The following CTNND2 variants were observed in gnomAD, a reference collection of about 807,000 sequenced individuals.
CTNND2 encodes the protein catenin delta-2.
A neutral mutation model predicts 144.4 loss-of-function variants in CTNND2; 22 were observed. That is an observed-to-expected ratio of 0.15 (90% CI 0.11 to 0.22). The LOEUF (loss-of-function observed/expected upper bound fraction) is 0.22. Among genes scored for constraint, CTNND2 ranks in the 10% least tolerant of loss-of-function variants. The pLI is 1.00. For synonymous variants in CTNND2, 751 were observed against 695.6 expected (o/e 1.08, Z -1.25); for missense variants, 1,353 against 1,618.8 (o/e 0.84, Z 2.82).
intron 16 of CTNND2, among the ~76,000 whole-genome samples, chr5:11,067,246 G>A (rs932891341): frequency 1.3e-5 from 2 of 152,188 alleles, no homozygotes; most frequent in Non-Finnish European, 2.9e-5. Context: ...GAAGTGATAC[G>A]TAGCTTTAAT....
intron 1 of CTNND2, among the ~76,000 whole-genome samples, chr5:11,821,760 CTTTGT>C (rs969007668): frequency 3.4e-4 from 51 of 152,208 alleles, no homozygotes; most frequent in African/African-American, 9.4e-4. Flanking sequence ...TTTAAATTCG[CTTTGT>C]TTTATCAATT....
At chr5:11,675,851 T>C (rs1784146939) in intron 2 of CTNND2, among the ~76,000 whole-genome samples, 1 of 151,764 alleles carries the variant, frequency 6.6e-6, no homozygotes, top group Non-Finnish European at 1.5e-5. Flanking sequence ...ATTGAAATGA[T>C]CTTCAATCTC....
intron 16 of CTNND2, among the ~76,000 whole-genome samples, chr5:11,030,488 T>C (rs1026102461): frequency 7.9e-5 from 12 of 152,076 alleles, no homozygotes; most frequent in African/African-American, 2.9e-4. Context: ...CTTTCAACTT[T>C]GCTGATTCTT....
intron 1 of CTNND2, among the ~76,000 whole-genome samples, chr5:11,889,542 T>C (rs1178438102): frequency 6.6e-6 from 1 of 152,218 alleles, no homozygotes; most frequent in Non-Finnish European, 1.5e-5. Flanking sequence ...CAAGCATTTC[T>C]GTGTGCAGGT....
At chr5:11,470,150 C>A (rs530173075) in intron 3 of CTNND2, among the ~76,000 whole-genome samples, 53 of 152,262 alleles carry the variant, frequency 3.5e-4, no homozygotes, top group South Asian at 8.3e-4. Flanking sequence ...AAATTGAGAA[C>A]ATAGGCCAGG....
At chr5:11,866,370 G>T (rs1242724868) in intron 1 of CTNND2, among the ~76,000 whole-genome samples, 2 of 152,168 alleles carry the variant, frequency 1.3e-5, no homozygotes, top group Non-Finnish European at 2.9e-5. Flanking sequence ...ATTTGTTATA[G>T]CAGCATCAGA....
intron 9 of CTNND2, among the ~76,000 whole-genome samples, chr5:11,262,815 T>C (rs1656900198): frequency 6.8e-6 from 1 of 146,580 alleles, no homozygotes; most frequent in South Asian, 2.2e-4. Flanking sequence ...CGAAATTTGT[T>C]GAAATTGTGT....
intron 16 of CTNND2, among the ~76,000 whole-genome samples, chr5:11,059,305 G>T (rs1472774651): frequency 2.6e-5 from 4 of 152,154 alleles, no homozygotes; most frequent in Admixed American, 6.5e-5. Context: ...ATGGGGGCAG[G>T]TCTTTCTTGT....
intron 3 of CTNND2, among the ~76,000 whole-genome samples, chr5:11,507,366 AT>A (rs1211512651): frequency 2.0e-5 from 3 of 152,230 alleles, no homozygotes; most frequent in Admixed American, 1.3e-4. Context: ...AAGCTATACA[AT>A]CAAGAGCATA....
intron 2 of CTNND2, among the ~76,000 whole-genome samples, chr5:11,653,087 G>A (rs1435754779): frequency 6.7e-6 from 1 of 148,868 alleles, no homozygotes; most frequent in African/African-American, 2.4e-5. Context: ...GTGTGTGTGT[G>A]TGTGTGTGTG....
rs142082498 is a variant in CTNND2 at position 10,990,442 on chromosome 5, C to T, written c.3211+2109G>A. On this transcript the variant is annotated intron_variant, in intron 19 of 21. Transcript: ENST00000304623. The stretch of plus-strand genomic sequence containing the variant: ...CTCGCTGGTTCCTCGCTAACCTCTT[C>T]CACCTGCTGCCCCCTTCTCTTTGGT... Among the ~76,000 whole-genome samples the T allele has an allele frequency of 3.3e-3, 498 of 152,274 alleles. 6 individuals carry two copies. The highest frequency in any genetic ancestry group is 0.011 in the African/African-American group (470 of 41,574).
chr5:11,114,139 T>C (rs1042527399), intron 13 of CTNND2, among the ~76,000 whole-genome samples: 2 of 152,348 alleles, frequency 1.3e-5, no homozygotes, highest in Admixed American at 1.3e-4. Flanking sequence ...TGTTATGGCA[T>C]AAGTCAGAAT....
intron 2 of CTNND2, among the ~76,000 whole-genome samples, chr5:11,704,269 C>G (rs1300706250): frequency 6.6e-6 from 1 of 152,216 alleles, no homozygotes; most frequent in African/African-American, 2.4e-5. Flanking sequence ...CAATGCATGG[C>G]CTTGGCTGAC....
intron 8 of CTNND2, among the ~76,000 whole-genome samples, chr5:11,356,788 T>G (rs1364841297): frequency 1.3e-5 from 2 of 151,480 alleles, no homozygotes; most frequent in African/African-American, 2.4e-5. Context: ...ATCTGACAAG[T>G]GGTTAACATC....
At chr5:11,758,242 T>C (rs1789060778) in intron 1 of CTNND2, among the ~76,000 whole-genome samples, 1 of 152,000 alleles carries the variant, frequency 6.6e-6, no homozygotes, top group Non-Finnish European at 1.5e-5. Flanking sequence ...GATACATAAT[T>C]GTATACATTC....
chr5:11,867,127 C>T (rs910958210), intron 1 of CTNND2, among the ~76,000 whole-genome samples: 2 of 152,210 alleles, frequency 1.3e-5, no homozygotes, highest in African/African-American at 4.8e-5. Flanking sequence ...CTTGACTATC[C>T]AGCTGGTTGG....
rs1561313893 is a variant in CTNND2, at chr5:11,384,884, C to T, written c.958G>A (p.Val320Ile). The T allele has an allele frequency of 4.3e-6, 7 of 1,611,462 alleles. No homozygotes were observed. The East Asian group carries it at 1.1e-4, about 26-fold the overall frequency. Reference protein sequence around the residue: ...SYSTSSPINIVVSSAGLSPIR... With the variant: ...SYSTSSPINIIVSSAGLSPIR... ...GGGGACAGGCCGGCCGAGGACACGACGATGTTGATGGGCGAGCTGGTGCTG... is the reference window on the plus strand; with the variant it reads ...GGGGACAGGCCGGCCGAGGACACGATGATGTTGATGGGCGAGCTGGTGCTG... Residue 320 changes from valine (V) to isoleucine (I), a missense_variant, in exon 7 of 22, where the codon GTC (valine) becomes ATC (isoleucine). Physicochemically the swap from Val to Ile is conservative, Grantham distance 29 (BLOSUM62 3). Transcript: ENST00000304623. This position sits in a 1 kb window ranked among gnomAD's most constrained non-coding sequence, Gnocchi z 5.2.
At chr5:11,284,980 G>T (rs566400529) in intron 9 of CTNND2, among the ~76,000 whole-genome samples, 1 of 152,182 alleles carries the variant, frequency 6.6e-6, no homozygotes, top group Non-Finnish European at 1.5e-5. Flanking sequence ...CAAAGCTTTA[G>T]TCAGGTTCCT....
Position 10,992,654 on chromosome 5 carries a change from A to G in CTNND2, c.3108T>C (p.Phe1036=), listed in dbSNP as rs747103865. 30 of 1,614,042 alleles carry G rather than the reference A, an allele frequency of 1.9e-5. No homozygotes were observed. The highest frequency in any genetic ancestry group is 2.3e-5 in the Non-Finnish European group (27 of 1,180,022). ...YKKDGWSQYH[F]VASSSTIERD... ...TCTCGATGGTTGAAGACGAGGCTAC[A>G]AAGTGGTATTGTGACCATCCATCCT... The change falls in exon 19 of 22, where the codon TTT becomes TTC. Residue 1036 remains phenylalanine, a synonymous_variant. Transcript: ENST00000304623.
Sources: gnomAD v4.1 joint callset for allele counts (sites outside exome capture counted in the v4.1 genomes callset) on GRCh38, gnomAD v4.1.1 for gene constraint, Gnocchi (gnomAD v3.1) non-coding constraint, MANE v1.5 for transcripts, NCBI Gene and HGNC (gene_info 2026-07-23, HGNC 2026-07-21) for gene names.